ADCY8: variants seen among roughly 807,000 people sequenced by gnomAD.
ADCY8 encodes adenylate cyclase type 8.
ADCY8 carries 51 observed loss-of-function variants against 119.7 expected under a neutral mutation model. The observed-to-expected ratio is 0.43, with a 90% CI of 0.34 to 0.54. The LOEUF is 0.54. Among genes scored for constraint, ADCY8 ranks in the 20% least tolerant of loss-of-function variants. The pLI, the probability that ADCY8 is intolerant of heterozygous loss-of-function variation, is 0.03. For synonymous variants in ADCY8, 665 were observed against 651.0 expected, an observed-to-expected ratio of 1.02 and a Z score of -0.33; for missense variants, 1,383 against 1,598.8, an observed-to-expected ratio of 0.87 and a Z score of 2.30.
intron 9 of ADCY8, among the ~76,000 whole-genome samples, chr8:130,853,604 G>C (rs1255201568): frequency 6.7e-6 from 1 of 148,410 alleles, no homozygotes; most frequent in Non-Finnish European, 1.5e-5. Flanking sequence ...TTCTCATTTA[G>C]CGATTGAACT....
At chr8:131,000,168 C>G (rs540336787) in intron 1 of ADCY8, among the ~76,000 whole-genome samples, 1 of 152,130 alleles carries the variant, frequency 6.6e-6, no homozygotes, top group Non-Finnish European at 1.5e-5. Flanking sequence ...TAAAGTTAAA[C>G]AGCTCCACAG....
At chr8:130,923,820 T>A (rs1820384141) in intron 5 of ADCY8, among the ~76,000 whole-genome samples, 1 of 152,228 alleles carries the variant, frequency 6.6e-6, no homozygotes, top group Non-Finnish European at 1.5e-5. Flanking sequence ...TTCAATCTCT[T>A]TTTTGCCATT....
intron 8 of ADCY8, among the ~76,000 whole-genome samples, chr8:130,878,459 A>G (rs577617420): frequency 6.6e-6 from 1 of 152,310 alleles, no homozygotes; most frequent in South Asian, 2.1e-4. Flanking sequence ...GTTAAAAGCC[A>G]TATTACCCTT....
chr8:130,957,767 C>T (rs749911393), intron 2 of ADCY8, among the ~76,000 whole-genome samples: 2 of 152,202 alleles, frequency 1.3e-5, no homozygotes, highest in Non-Finnish European at 1.5e-5. Context: ...GAGCTCAGGC[C>T]GTGGTTTCAG....
chr8:130,900,078 T>A (rs1484357424), intron 7 of ADCY8, among the ~76,000 whole-genome samples: 3 of 152,180 alleles, frequency 2.0e-5, no homozygotes, highest in Non-Finnish European at 2.9e-5. Context: ...GGGATCTGAG[T>A]CAGGGTTCAG....
intron 1 of ADCY8, among the ~76,000 whole-genome samples, chr8:131,034,378 T>C (rs945346295): frequency 4.6e-5 from 7 of 152,124 alleles, no homozygotes; most frequent in African/African-American, 1.7e-4. Flanking sequence ...AATGTGTATT[T>C]AAGTCACATA....
At chr8:130,967,503 T>A (rs970862534) in intron 2 of ADCY8, among the ~76,000 whole-genome samples, 1 of 152,202 alleles carries the variant, frequency 6.6e-6, no homozygotes, top group Non-Finnish European at 1.5e-5. Flanking sequence ...TTAGACTAAA[T>A]GACAAAGCTC....
intron 14 of ADCY8, among the ~76,000 whole-genome samples, chr8:130,812,954 T>C (rs1016901427): frequency 5.3e-5 from 8 of 151,602 alleles, no homozygotes; most frequent in African/African-American, 1.9e-4. Context: ...CTTGATCTTT[T>C]TTTTTTTTTT....
intron 14 of ADCY8, among the ~76,000 whole-genome samples, chr8:130,812,851 A>C (rs1044700968): frequency 6.6e-6 from 1 of 152,250 alleles, no homozygotes; most frequent in African/African-American, 2.4e-5. Context: ...CATGTATCAC[A>C]CATATATGCA....
At chr8:130,939,380 A>G (rs1820891304) in intron 4 of ADCY8, among the ~76,000 whole-genome samples, 2 of 152,176 alleles carry the variant, frequency 1.3e-5, no homozygotes, top group Non-Finnish European at 2.9e-5. Flanking sequence ...CAGTGTTCCA[A>G]AATCTTACTC....
chr8:130,961,716 A>G (rs1821611910), intron 2 of ADCY8, among the ~76,000 whole-genome samples: 2 of 152,168 alleles, frequency 1.3e-5, no homozygotes, highest in Non-Finnish European at 2.9e-5. Context: ...TTGTTCACTC[A>G]GGATCCTCAG....
chr8:130,820,089 A>G (rs1164480616), intron 13 of ADCY8, among the ~76,000 whole-genome samples: 9 of 152,348 alleles, frequency 5.9e-5, no homozygotes, highest in African/African-American at 2.2e-4. Context: ...GGATTAAATG[A>G]GAATAGAGAG....
At chr8:130,813,242 C>T (rs1379128071) in intron 14 of ADCY8, among the ~76,000 whole-genome samples, 6 of 152,184 alleles carry the variant, frequency 3.9e-5, no homozygotes, top group African/African-American at 9.7e-5. Context: ...CCACTGCGCC[C>T]GGCCATCTTG....
intron 7 of ADCY8, chr8:130,892,388 T>G (rs529625549): frequency 3.2e-4 from 48 of 152,238 alleles, no homozygotes; most frequent in African/African-American, 1.1e-3. Context: ...GATTGACTTT[T>G]GTTCCTTGGT....
intron 12 of ADCY8, among the ~76,000 whole-genome samples, chr8:130,827,123 G>A (rs1186406998): frequency 6.6e-6 from 1 of 152,224 alleles, no homozygotes. Context: ...AAGCAGATGA[G>A]TAGTATGAGT....
chr8:130,780,797 G>C lies in ADCY8; in HGVS notation c.3349C>G (p.Leu1117Val), dbSNP rs139964168. 7.2e-5 allele frequency: 117 copies of C among 1,614,082 alleles called. No individual in the cohort carries two copies. Among genetic ancestry groups the C allele is most frequent in the Non-Finnish European group, 3.1e-5 (37 of 1,180,034 alleles). The change falls in exon 18 of 18, where the codon CTG becomes GTG. Residue 1117 changes from leucine to valine, a missense_variant. Leu to Val is a conservative substitution (Grantham distance 32). Around this residue, in one of 2 missense-constraint regions of ADCY8, gnomAD observed 928 missense variants for 1,163.5 expected, o/e 0.80. Coordinates refer to ENST00000286355, the MANE Select transcript of ADCY8 (RefSeq NM_001115.3). The part of the protein sequence containing the change: ...QYDIWGKTVN[L>V]ASRMDSTGVS... ...CCCGTGCTGTCCATTCGGCTTGCCA[G>C]GTTCACAGTTTTGCCCCAAATGTCA... is the stretch of plus-strand genomic sequence containing the variant.
chr8:130,815,537 TAAGAA>T (rs1378299858), intron 13 of ADCY8, among the ~76,000 whole-genome samples: 2 of 152,178 alleles, frequency 1.3e-5, no homozygotes, highest in African/African-American at 2.4e-5. Flanking sequence ...ATTTTACAGA[TAAGAA>T]AATCAAAGCA....
chr8:130,913,530 T>C (rs543620963), intron 5 of ADCY8, among the ~76,000 whole-genome samples: 1 of 152,166 alleles, frequency 6.6e-6, no homozygotes, highest in Non-Finnish European at 1.5e-5. Flanking sequence ...TTTAAGACCA[T>C]GATCAACCAC....
intron 12 of ADCY8, among the ~76,000 whole-genome samples, chr8:130,826,635 T>A (rs1816675656): frequency 6.6e-6 from 1 of 152,166 alleles, no homozygotes; most frequent in African/African-American, 2.4e-5. Context: ...ATTGGTATAA[T>A]CTTGCAATGA....
Sources: gnomAD v4.1 joint callset for allele counts (sites outside exome capture counted in the v4.1 genomes callset) on GRCh38, gnomAD v4.1.1 for gene constraint, gnomAD v4.1.1 regional missense constraint, MANE v1.5 for transcripts, NCBI Gene and HGNC (gene_info 2026-07-23, HGNC 2026-07-21) for gene names.